The following SORCS1 variants were observed in gnomAD, a reference collection of about 807,000 sequenced individuals.
SORCS1 encodes VPS10 domain-containing receptor SorCS1.
Under a neutral mutation model 146.1 loss-of-function variants are expected in SORCS1, and 60 were observed. The ratio of observed to expected loss-of-function variants is 0.41; its 90% CI spans 0.33 to 0.51. The LOEUF is 0.51. Among genes scored for constraint, SORCS1 ranks in the 20% least tolerant of loss-of-function variants. The probability of loss-of-function intolerance (pLI) is 0.21; values close to 1 mark genes in which losing one functional copy is unlikely to be tolerated. For synonymous variants in SORCS1, 637 were observed against 584.0 expected, an observed-to-expected ratio of 1.09 and a Z score of -1.31; for missense variants, 1,352 against 1,487.6, an observed-to-expected ratio of 0.91 and a Z score of 1.50.
chr10:106,721,853 T>G (rs1037273022), intron 6 of SORCS1, among the ~76,000 whole-genome samples: 5 of 152,218 alleles, frequency 3.3e-5, no homozygotes, highest in Admixed American at 2.0e-4. Context: ...CAGAGGTCTG[T>G]ATATCTACAA....
At chr10:106,817,798 A>G (rs1947815460) in intron 3 of SORCS1, among the ~76,000 whole-genome samples, 2 of 152,110 alleles carry the variant, frequency 1.3e-5, no homozygotes, top group Non-Finnish European at 2.9e-5. Flanking sequence ...TTGTATCTCT[A>G]CTGCCTGGCA....
intron 1 of SORCS1, among the ~76,000 whole-genome samples, chr10:106,970,830 C>G (rs749291723): frequency 6.6e-6 from 1 of 152,152 alleles, no homozygotes; most frequent in Non-Finnish European, 1.5e-5. Flanking sequence ...CCTCCAACTC[C>G]CAGGTTCAAG....
intron 3 of SORCS1, among the ~76,000 whole-genome samples, chr10:106,812,950 T>G (rs1037523616): frequency 4.6e-5 from 7 of 151,344 alleles, no homozygotes; most frequent in Admixed American, 4.6e-4. Flanking sequence ...AGCACGCACA[T>G]GCAATAATGT....
chr10:106,830,006 C>A (rs1372273094), intron 2 of SORCS1, among the ~76,000 whole-genome samples: 7 of 152,196 alleles, frequency 4.6e-5, no homozygotes, highest in Admixed American at 3.9e-4. Context: ...TCAGATATGA[C>A]ATTTCCAAAC....
At chr10:106,779,140 G>C (rs921273261) in intron 3 of SORCS1, among the ~76,000 whole-genome samples, 1 of 152,110 alleles carries the variant, frequency 6.6e-6, no homozygotes, top group African/African-American at 2.4e-5. Context: ...AAAATAGGCA[G>C]ACCAAAATCC....
chr10:107,144,919 A>C (rs1021392296), intron 1 of SORCS1, among the ~76,000 whole-genome samples: 16 of 152,244 alleles, frequency 1.1e-4, no homozygotes, highest in African/African-American at 3.6e-4. Flanking sequence ...CGCTGTTAAA[A>C]AGGGGAAAAA....
At chr10:106,959,907 A>G (rs1410005853) in intron 1 of SORCS1, among the ~76,000 whole-genome samples, 1 of 152,206 alleles carries the variant, frequency 6.6e-6, no homozygotes, top group Non-Finnish European at 1.5e-5. Context: ...TTTCATGTAT[A>G]GAAAAACTGA....
intron 1 of SORCS1, among the ~76,000 whole-genome samples, chr10:107,149,431 A>G (rs1968591078): frequency 6.6e-6 from 1 of 152,190 alleles, no homozygotes; most frequent in Non-Finnish European, 1.5e-5. Context: ...ATCCCAATAT[A>G]CTTGTATCTA....
rs930752297 is a variant in SORCS1, at chr10:106,933,385, A to G, written c.626+23128T>C. Among the ~76,000 whole-genome samples the G allele has an allele frequency of 3.8e-4, 58 of 152,330 alleles. 1 individual carries two copies. The East Asian group carries it at 5.2e-3, about 14-fold the overall frequency. On this transcript the variant is annotated intron_variant, in intron 2 of 25. Coordinates refer to ENST00000263054, the MANE Select transcript of SORCS1 (RefSeq NM_052918.5). Reference sequence around the variant, plus strand: ...TTAAAATGTCCCCCAGAAGATGTTAATGTTCGCAGGATTGACAGCCACTGA... The same window carrying G: ...TTAAAATGTCCCCCAGAAGATGTTAGTGTTCGCAGGATTGACAGCCACTGA...
chr10:106,942,108 C>T (rs1242256113), intron 2 of SORCS1, among the ~76,000 whole-genome samples: 2 of 152,190 alleles, frequency 1.3e-5, no homozygotes, highest in Non-Finnish European at 2.9e-5. Context: ...TTATAAAAGG[C>T]TTTTCTGATT....
intron 21 of SORCS1, among the ~76,000 whole-genome samples, chr10:106,612,329 A>G (rs1305471664): frequency 9.8e-5 from 10 of 101,906 alleles, no homozygotes; most frequent in Middle Eastern, 4.8e-3. Context: ...CCCCCAGACT[A>G]CCCCTGGCCC....
intron 2 of SORCS1, among the ~76,000 whole-genome samples, chr10:106,859,065 T>G (rs1213042790): frequency 6.6e-6 from 1 of 152,228 alleles, no homozygotes. Context: ...TCCATGTCTT[T>G]GCAAAGGCAA....
chr10:107,088,789 A>C (rs1590109086), intron 1 of SORCS1, among the ~76,000 whole-genome samples: 1 of 152,212 alleles, frequency 6.6e-6, no homozygotes, highest in African/African-American at 2.4e-5. Context: ...ATAAAATTTC[A>C]TGAACAACTT....
chr10:107,001,832 A>G (rs530602122), intron 1 of SORCS1, among the ~76,000 whole-genome samples: 2 of 152,330 alleles, frequency 1.3e-5, no homozygotes, highest in South Asian at 4.1e-4. Flanking sequence ...AGCATCTTCT[A>G]TGTTCTCCGG....
chr10:106,749,419 T>C (rs1325567641), intron 5 of SORCS1, among the ~76,000 whole-genome samples: 1 of 152,200 alleles, frequency 6.6e-6, no homozygotes, highest in Non-Finnish European at 1.5e-5. Flanking sequence ...TATCCTTCCA[T>C]ATGCTTCCTT....
At chr10:106,880,577 A>G (rs1364391692) in intron 2 of SORCS1, among the ~76,000 whole-genome samples, 1 of 152,202 alleles carries the variant, frequency 6.6e-6, no homozygotes, top group African/African-American at 2.4e-5. Flanking sequence ...TCAGAAATCT[A>G]TAGTCTAATA....
intron 3 of SORCS1, among the ~76,000 whole-genome samples, chr10:106,788,542 G>A (rs1367931748): frequency 6.6e-6 from 1 of 152,096 alleles, no homozygotes; most frequent in South Asian, 2.1e-4. Context: ...AAAACAAAGG[G>A]GCTACAGGTC....
intron 1 of SORCS1, among the ~76,000 whole-genome samples, chr10:107,091,567 C>T (rs750780359): frequency 1.3e-5 from 2 of 152,174 alleles, no homozygotes; most frequent in African/African-American, 2.4e-5. Context: ...TCATCTTTAA[C>T]ATTTTATGCA....
intron 2 of SORCS1, among the ~76,000 whole-genome samples, chr10:106,914,907 T>A (rs1334207079): frequency 6.6e-6 from 1 of 152,190 alleles, no homozygotes; most frequent in African/African-American, 2.4e-5. Context: ...ATACTCCCAT[T>A]GGCTCCTTGC....
Sources: gnomAD v4.1 joint callset for allele counts (sites outside exome capture counted in the v4.1 genomes callset) on GRCh38, gnomAD v4.1.1 for gene constraint, MANE v1.5 for transcripts, NCBI Gene and HGNC (gene_info 2026-07-23, HGNC 2026-07-21) for gene names.